Variants in EFHD1 observed in about 807,000 individuals in gnomAD.
The protein encoded by EFHD1 is EF-hand domain family member D1, also known as EF-hand domain-containing protein D1.
EFHD1 carries 10 observed loss-of-function variants against 17.2 expected under a neutral mutation model. The observed-to-expected ratio is 0.58, with a 90% CI of 0.36 to 0.99. EFHD1 has a LOEUF of 0.99. Among genes scored for constraint, EFHD1 ranks in the 50% least tolerant of loss-of-function variants. EFHD1 has a pLI of 0.01. For synonymous variants in EFHD1, 153 were observed against 142.0 expected (o/e 1.08, Z -0.55); for missense variants, 310 against 327.5 (o/e 0.95, Z 0.41).
At chr2:232,673,732 T>TTTTTA (rs1028921860) in intron 3 of EFHD1, among the ~76,000 whole-genome samples, 2 of 152,104 alleles carry the variant, frequency 1.3e-5, no homozygotes, top group Admixed American at 1.3e-4. Flanking sequence ...TTAACCCAGC[T>TTTTTA]TTTTATTTTA....
chr2:232,628,905 T>C (rs1694152811), upstream of EFHD1, among the ~76,000 whole-genome samples: 1 of 152,118 alleles, frequency 6.6e-6, no homozygotes, highest in Non-Finnish European at 1.5e-5. Flanking sequence ...GCTACCGGAC[T>C]CTCCCTCTTG....
intron 1 of EFHD1, among the ~76,000 whole-genome samples, chr2:232,653,532 C>T (rs968292343): frequency 2.0e-5 from 3 of 152,304 alleles, no homozygotes; most frequent in Non-Finnish European, 2.9e-5. Context: ...TCAAGTGATC[C>T]GCCCACCTCG....
At chr2:232,664,561 A>C (rs1229209939) in intron 2 of EFHD1, among the ~76,000 whole-genome samples, 1 of 150,832 alleles carries the variant, frequency 6.6e-6, no homozygotes, top group African/African-American at 2.4e-5. Context: ...GGCCTCCCAA[A>C]GTGTTGGGAT....
intron 1 of EFHD1, among the ~76,000 whole-genome samples, chr2:232,625,014 G>A (rs910172469): frequency 2.6e-5 from 4 of 152,038 alleles, no homozygotes; most frequent in African/African-American, 9.7e-5. Context: ...TTTTATCTTA[G>A]TACTTATCAT....
rs796169127 is a variant in EFHD1 at position 232,667,551 on chromosome 2, T to G, written c.450+4602T>G. On this transcript the variant is annotated intron_variant, in intron 2 of 3. Coordinates refer to ENST00000264059, the MANE Select transcript of EFHD1 (RefSeq NM_025202.4). ...TTAATTAATTAATTAATTTATTTAT[T>G]TATTTATTTATTTATTTTGAGACGG... is the stretch of plus-strand genomic sequence containing the variant. Among the ~76,000 whole-genome samples the G allele has an allele frequency of 7.9e-5, 12 of 151,166 alleles. No homozygotes were observed. The South Asian group carries it at 2.3e-3, about 29-fold the overall frequency.
chr2:232,608,913 A>G (rs1693764812), intron 1 of EFHD1, among the ~76,000 whole-genome samples: 1 of 152,114 alleles, frequency 6.6e-6, no homozygotes, highest in Admixed American at 6.6e-5. Flanking sequence ...CTGGCAACAG[A>G]GCAAGACTCC....
At chr2:232,670,932 C>T (rs1306512978) in intron 2 of EFHD1, among the ~76,000 whole-genome samples, 1 of 152,114 alleles carries the variant, frequency 6.6e-6, no homozygotes, top group Non-Finnish European at 1.5e-5. Flanking sequence ...GTTAAAAAAC[C>T]ATTGGAAATA....
rs780597085 is a variant in EFHD1, at chr2:232,634,052, G to A, written c.302+46G>A. 5.0e-5 allele frequency: 79 copies of A among 1,591,832 alleles called. 1 individual carries two copies. In the Middle Eastern group the frequency reaches 5.4e-4, roughly 11 times the overall value. ...CTTCGCCCCCGGGACCAGGGAGGGA[G>A]CGGGAGGGCTTTCTGGTCCGAAGTC... is the stretch of plus-strand genomic sequence containing the variant. On this transcript the variant is annotated intron_variant, in intron 1 of 3. Transcript: ENST00000264059.
rs56085382 is a variant in EFHD1 at position 232,627,064 on chromosome 2, A to ATT, written c.14+20905_14+20906dup. On this transcript the variant is annotated intron_variant, in intron 1 of 3. Transcript: ENST00000409613. Reference sequence around the variant, plus strand: ...TATATATATATATATATATATATATATTTTTTTTTTTTTTTAATTAGCCAG... The same window carrying ATT: ...TATATATATATATATATATATATATATTTTTTTTTTTTTTTTTAATTAGCCAG... Among the ~76,000 whole-genome samples the ATT allele has an allele frequency of 6.0e-3, 553 of 92,210 alleles. 7 individuals are homozygous for ATT. Among genetic ancestry groups the ATT allele is most frequent in the Non-Finnish European group, 8.7e-3 (429 of 49,084 alleles). 60.5% of individuals were successfully genotyped at this position (92,210 alleles called of 152,430 possible).
At chr2:232,661,102 C>G (rs531239703) in intron 1 of EFHD1, among the ~76,000 whole-genome samples, 4 of 151,698 alleles carry the variant, frequency 2.6e-5, no homozygotes, top group Non-Finnish European at 5.9e-5. Flanking sequence ...GAGCAGAGAT[C>G]GTGCAGCTTC....
At chr2:232,667,354 G>A (rs1332742191) in intron 2 of EFHD1, among the ~76,000 whole-genome samples, 1 of 152,054 alleles carries the variant, frequency 6.6e-6, no homozygotes, top group Non-Finnish European at 1.5e-5. Context: ...GCAGATGGCT[G>A]TTCTTGGAAG....
chr2:232,652,130 G>A (rs993706273), intron 1 of EFHD1, among the ~76,000 whole-genome samples: 6 of 152,232 alleles, frequency 3.9e-5, no homozygotes, highest in African/African-American at 1.4e-4. Flanking sequence ...TGAAGGGTAT[G>A]GCTGGTGAGA....
intron 1 of EFHD1, among the ~76,000 whole-genome samples, chr2:232,627,064 ATT>A (rs56085382): frequency 0.021 from 1,956 of 91,768 alleles, 15 homozygotes; most frequent in South Asian, 0.025. Context: ...ATATATATAT[ATT>A]TTTTTTTTTT....
At chr2:232,621,449 T>TTTTC (rs57594405) in intron 1 of EFHD1, among the ~76,000 whole-genome samples, 91,724 of 151,310 alleles carry the variant, frequency 0.61, 28,136 homozygotes, top group Non-Finnish European at 0.66. Flanking sequence ...TTCTTTCGTT[T>TTTTC]TTTCTTTCTT....
intron 2 of EFHD1, among the ~76,000 whole-genome samples, chr2:232,668,550 A>G (rs1559355162): frequency 6.6e-6 from 1 of 152,140 alleles, no homozygotes; most frequent in Non-Finnish European, 1.5e-5. Context: ...GGGGATGGCG[A>G]GAGTCCCTGA....
At chr2:232,633,603 C>G (rs1184111442), upstream of EFHD1, 1 of 1,307,438 alleles carries the variant, frequency 7.6e-7, no homozygotes, top group African/African-American at 1.6e-5. Context: ...GCCGCCTCGG[C>G]GGAGTGTTGT....
At chr2:232,671,812 T>G (rs955131892) in intron 2 of EFHD1, among the ~76,000 whole-genome samples, 2 of 152,100 alleles carry the variant, frequency 1.3e-5, no homozygotes, top group African/African-American at 4.8e-5. Context: ...ATCCCAGCAC[T>G]TTGGGAGGCC....
At chr2:232,638,887 G>T (rs1157866061) in intron 1 of EFHD1, among the ~76,000 whole-genome samples, 3 of 152,300 alleles carry the variant, frequency 2.0e-5, no homozygotes, top group African/African-American at 7.2e-5. Flanking sequence ...GAATTGGGGG[G>T]TAGGGTAAGA....
intron 1 of EFHD1, among the ~76,000 whole-genome samples, chr2:232,662,323 C>T (rs1408562325): frequency 6.6e-6 from 1 of 152,070 alleles, no homozygotes; most frequent in Non-Finnish European, 1.5e-5. Context: ...TTCCCTAGAC[C>T]TGGGACGGAA....
Sources: allele counts gnomAD v4.1 joint callset (sites outside exome capture counted in the v4.1 genomes callset), GRCh38; gene constraint gnomAD v4.1.1; transcripts MANE v1.5; gene names NCBI Gene and HGNC (gene_info 2026-07-23, HGNC 2026-07-21).